TCF12: variants seen among roughly 807,000 people sequenced by gnomAD.
The protein encoded by TCF12 is DNA-binding protein HTF4.
A neutral mutation model predicts 86.0 loss-of-function variants in TCF12; 45 were observed. The ratio of observed to expected loss-of-function variants is 0.52; its 90% CI spans 0.41 to 0.67. TCF12 has a LOEUF of 0.67. Ranked by LOEUF, TCF12 falls within the 30% of genes least tolerant of loss-of-function variation. The pLI, the probability that TCF12 is intolerant of heterozygous loss-of-function variation, is 0.00. For synonymous variants in TCF12, 330 were observed against 299.6 expected (o/e 1.10, Z -1.05); for missense variants, 881 against 859.9 (o/e 1.02, Z -0.31).
intron 19 of TCF12, chr15:57,278,747 C>A (rs889767152): frequency 9.3e-6 from 1 of 107,528 alleles, no homozygotes; most frequent in African/African-American, 4.6e-5. Flanking sequence ...CTCCCTCCCT[C>A]CCTCTCTCTC....
chr15:56,929,827 G>A (rs1488174896), intron 3 of TCF12, among the ~76,000 whole-genome samples: 5 of 152,068 alleles, frequency 3.3e-5, no homozygotes, highest in Non-Finnish European at 7.4e-5. Context: ...GGCCCAAGAT[G>A]TCATTTTATC....
chr15:57,196,863 A>C (rs1483245384), intron 7 of TCF12, among the ~76,000 whole-genome samples: 1 of 152,202 alleles, frequency 6.6e-6, no homozygotes, highest in African/African-American at 2.4e-5. Flanking sequence ...ATACTGAATG[A>C]TACTGCATTT....
At chr15:57,222,679 T>G (rs1406038131) in intron 8 of TCF12, among the ~76,000 whole-genome samples, 1 of 151,396 alleles carries the variant, frequency 6.6e-6, no homozygotes, top group Non-Finnish European at 1.5e-5. Flanking sequence ...TTGAGTAAAT[T>G]TTGTCCTTTA....
intron 4 of TCF12, among the ~76,000 whole-genome samples, chr15:57,075,799 T>TC (rs1491559391): frequency 3.8e-3 from 252 of 66,492 alleles, no homozygotes; most frequent in Middle Eastern, 7.5e-3. Flanking sequence ...TCTTTCTTTC[T>TC]TTCTTTCTCT....
At chr15:56,945,531 T>C (rs961740426) in intron 3 of TCF12, among the ~76,000 whole-genome samples, 6 of 152,134 alleles carry the variant, frequency 3.9e-5, no homozygotes, top group African/African-American at 1.4e-4. Context: ...GAATTCTAGA[T>C]TGACCTTTTT....
intron 4 of TCF12, among the ~76,000 whole-genome samples, chr15:57,077,382 T>TA (rs71113058): frequency 0.51 from 27,815 of 54,292 alleles, 5,424 homozygotes; most frequent in East Asian, 0.66. Context: ...TGTATATATA[T>TA]TTTTTTTTTT....
At chr15:57,123,817 G>A (rs574031926) in intron 5 of TCF12, among the ~76,000 whole-genome samples, 40 of 151,602 alleles carry the variant, frequency 2.6e-4, no homozygotes, top group African/African-American at 9.7e-4. Flanking sequence ...AAAAATAGCC[G>A]GGCCTGGTGG....
chr15:57,211,790 C>T (rs1044964834), intron 8 of TCF12, among the ~76,000 whole-genome samples: 3 of 152,182 alleles, frequency 2.0e-5, no homozygotes, highest in Non-Finnish European at 4.4e-5. Flanking sequence ...CCTGTCTCTA[C>T]TAAAAATACA....
chr15:57,281,667 A>T (rs1287863503), intron 19 of TCF12: 2 of 152,204 alleles, frequency 1.3e-5, no homozygotes, highest in African/African-American at 4.8e-5. Context: ...TATGCAAGGG[A>T]TCTGGGATCT....
chr15:57,128,866 C>A (rs2051883534), intron 5 of TCF12, among the ~76,000 whole-genome samples: 1 of 152,176 alleles, frequency 6.6e-6, no homozygotes, highest in Non-Finnish European at 1.5e-5. Context: ...ATCAATATTT[C>A]ATTTCTTTTT....
intron 19 of TCF12, among the ~76,000 whole-genome samples, chr15:57,279,124 A>T (rs1254413215): frequency 6.6e-6 from 1 of 151,884 alleles, no homozygotes; most frequent in Non-Finnish European, 1.5e-5. Context: ...CCCCCTCAGT[A>T]GCTGGGACTA....
At chr15:56,975,500 T>C (rs1392059579) in intron 3 of TCF12, among the ~76,000 whole-genome samples, 1 of 152,184 alleles carries the variant, frequency 6.6e-6, no homozygotes, top group Non-Finnish European at 1.5e-5. Flanking sequence ...CTTTTAGCAA[T>C]TTCAAATTAT....
chr15:57,271,116 A>T (rs1045205486), intron 18 of TCF12, among the ~76,000 whole-genome samples: 4 of 152,178 alleles, frequency 2.6e-5, no homozygotes. Context: ...TCAGGCAGGG[A>T]TATTTAAGTC....
intron 16 of TCF12, among the ~76,000 whole-genome samples, chr15:57,254,792 A>G (rs1039669379): frequency 4.3e-5 from 6 of 140,234 alleles, no homozygotes; most frequent in South Asian, 2.5e-4. Flanking sequence ...CAGGAGGTCA[A>G]GGCTGCAGTG....
At chr15:57,231,536 A>G (rs933301034) in intron 9 of TCF12, among the ~76,000 whole-genome samples, 7 of 152,188 alleles carry the variant, frequency 4.6e-5, no homozygotes, top group East Asian at 1.9e-4. Flanking sequence ...TGCTCATTTT[A>G]GAATTGAAAT....
chr15:57,032,657 C>T (rs181124296), intron 3 of TCF12, among the ~76,000 whole-genome samples: 15 of 152,124 alleles, frequency 9.9e-5, no homozygotes, highest in African/African-American at 1.4e-4. Flanking sequence ...GTTGCCCAGG[C>T]TGGTCTTGAA....
chr15:56,997,892 T>C (rs191585850), intron 3 of TCF12, among the ~76,000 whole-genome samples: 19 of 152,222 alleles, frequency 1.2e-4, no homozygotes, highest in African/African-American at 4.6e-4. Context: ...CAAACACTAT[T>C]GGAAAGAAAA....
In TCF12 at chr15:57,264,160, T is replaced by G. The variant is rs1240526988; in HGVS notation, c.1745+886T>G. 2.1e-5 allele frequency among the ~76,000 whole-genome samples: 3 copies of G among 144,602 alleles called. No homozygotes were observed. In the South Asian group the frequency reaches 6.8e-4, roughly 33 times the overall value. 94.9% of individuals were successfully genotyped at this position (144,602 alleles called of 152,430 possible). A position where few individuals can be genotyped will look rare whatever the true frequency, so the allele number is the denominator to read the frequency against. ...AAAACACAAACACATTATATAGCTATACAAAAATATATTTTCTTTAAGTTC... is the reference window on the plus strand; with the variant it reads ...AAAACACAAACACATTATATAGCTAGACAAAAATATATTTTCTTTAAGTTC... On this transcript the variant is annotated intron_variant, in intron 18 of 20. Coordinates refer to ENST00000333725, the MANE Select transcript of TCF12 (RefSeq NM_207037.2).
intron 8 of TCF12, among the ~76,000 whole-genome samples, chr15:57,215,859 G>A (rs1343945346): frequency 2.0e-5 from 3 of 152,036 alleles, no homozygotes; most frequent in Non-Finnish European, 2.9e-5. Context: ...AAAATACTGC[G>A]TGGATAACTC....
Sources: allele counts gnomAD v4.1 joint callset (sites outside exome capture counted in the v4.1 genomes callset), GRCh38; gene constraint gnomAD v4.1.1; transcripts MANE v1.5; gene names NCBI Gene and HGNC (gene_info 2026-07-23, HGNC 2026-07-21).